MLANA: variants seen among roughly 807,000 people sequenced by gnomAD.
MLANA encodes the protein melan-A.
In MLANA, 21 loss-of-function variants were observed where a neutral mutation model predicts 15.7. That is an observed-to-expected ratio of 1.33 (90% CI 0.95 to 1.92). MLANA has a LOEUF of 1.92. MLANA is among the 40% of genes most tolerant of loss of function. The probability of loss-of-function intolerance (pLI) is 0.00; values close to 1 mark genes in which losing one functional copy is unlikely to be tolerated. For synonymous variants in MLANA, 56 were observed against 51.5 expected, an observed-to-expected ratio of 1.09 and a Z score of -0.37; for missense variants, 164 against 143.8, an observed-to-expected ratio of 1.14 and a Z score of -0.72.
intron 4 of MLANA, among the ~76,000 whole-genome samples, chr9:5,907,652 A>C (rs2130001881): frequency 6.6e-6 from 1 of 152,326 alleles, no homozygotes; most frequent in South Asian, 2.1e-4. Context: ...TAGCTACTAG[A>C]AATTTTAAAA....
intron 3 of MLANA, among the ~76,000 whole-genome samples, chr9:5,900,405 A>AT (rs1832337862): frequency 6.6e-6 from 1 of 152,084 alleles, no homozygotes; most frequent in African/African-American, 2.4e-5. Flanking sequence ...TTATTTTGAG[A>AT]TTTTCATATA....
At position 5,906,911 on chromosome 9, in the gene MLANA, A is replaced by G; in HGVS notation, c.201A>G (p.Gln67=). ...LMDKSLHVGT[Q]CALTRRCPQE... is the part of the protein sequence containing the mutation. ...ATAAAAGTCTTCATGTTGGCACTCAATGTGCCTTAACAAGAAGATGCCCAC... is the reference window on the plus strand; with the variant it reads ...ATAAAAGTCTTCATGTTGGCACTCAGTGTGCCTTAACAAGAAGATGCCCAC... Residue 67 remains glutamine, a synonymous_variant, in exon 4 of 5, where the codon CAA becomes CAG. Transcript: ENST00000381477. 2 of 1,591,506 alleles carry G rather than the reference A, an allele frequency of 1.3e-6. No individual in the cohort carries two copies. The highest frequency in any genetic ancestry group is 1.4e-5 in the African/African-American group (1 of 73,242).
chr9:5,907,819 G>A (rs1038507876), intron 4 of MLANA, among the ~76,000 whole-genome samples: 12 of 152,270 alleles, frequency 7.9e-5, no homozygotes, highest in African/African-American at 2.9e-4. Flanking sequence ...CAAGCGTGGT[G>A]GTGCATGCCT....
chr9:5,897,683 TCC>T (rs1832124271), intron 3 of MLANA, 30 bp downstream of exon 3: 5 of 1,573,594 alleles, frequency 3.2e-6, no homozygotes, highest in Non-Finnish European at 4.4e-6. Flanking sequence ...CTGAAATCCC[TCC>T]AAGTCCAGGG....
At position 5,906,970 on chromosome 9, in the gene MLANA, CTCT is replaced by C. The variant is rs748669006; in HGVS notation, c.263_265del (p.Leu88del). 14 of 1,599,982 alleles carry C rather than the reference CTCT, an allele frequency of 8.8e-6. No individual in the cohort carries two copies. The highest frequency in any genetic ancestry group is 1.8e-5 in the Admixed American group (1 of 57,080). On this transcript the variant is annotated inframe_deletion, in exon 4 of 5. Coordinates refer to ENST00000381477, the MANE Select transcript of MLANA (RefSeq NM_005511.2). ...TTTGATCATCGGGACAGCAAAGTGT[CTCT>C]TCAAGAGAAAAACTGTGAACCTGTG...
At chr9:5,893,617 C>A (rs1831803429) in intron 2 of MLANA, among the ~76,000 whole-genome samples, 1 of 152,114 alleles carries the variant, frequency 6.6e-6, no homozygotes, top group Non-Finnish European at 1.5e-5. Flanking sequence ...GGGAGGGGAG[C>A]CCATTGCCCG....
Position 5,892,757 on chromosome 9 carries a change from G to A in MLANA, c.77+206G>A, listed in dbSNP as rs546947175. Among the ~76,000 whole-genome samples, 61 of 152,310 alleles carry A rather than the reference G, an allele frequency of 4.0e-4. 1 individual carries two copies. The South Asian group carries it at 0.012, about 31-fold the overall frequency. On this transcript the variant is annotated intron_variant, in intron 2 of 4. Coordinates refer to ENST00000381477, the MANE Select transcript of MLANA (RefSeq NM_005511.2). ...TCTGAGGCCAAACAGGCAGGAAGATGGGAATGGTATAAGGTTGGATCTTGC... is the reference window on the plus strand; with the variant it reads ...TCTGAGGCCAAACAGGCAGGAAGATAGGAATGGTATAAGGTTGGATCTTGC...
chr9:5,906,646 T>C (rs1448581528), intron 3 of MLANA, among the ~76,000 whole-genome samples: 2 of 152,266 alleles, frequency 1.3e-5, no homozygotes, highest in East Asian at 1.9e-4. Flanking sequence ...TCCCAGGTAC[T>C]GCACTAGAGC....
chr9:5,892,622 A>G (rs1416740590), intron 2 of MLANA, 71 bp downstream of exon 2: 2 of 1,234,924 alleles, frequency 1.6e-6, no homozygotes, highest in South Asian at 1.4e-5. Flanking sequence ...GACTTCCACC[A>G]GTACATGCCT....
At chr9:5,907,917 C>T (rs1296421866) in intron 4 of MLANA, among the ~76,000 whole-genome samples, 1 of 152,212 alleles carries the variant, frequency 6.6e-6, no homozygotes, top group African/African-American at 2.4e-5. Context: ...AGTGCCACTG[C>T]ACTCCAGCCT....
rs907439375 is a variant in MLANA at position 5,909,696 on chromosome 9, A to G, written c.*988A>G. On this transcript the variant is annotated 3_prime_UTR_variant, in exon 5 of 5. Transcript: ENST00000381477. ...AGGATTTAAATAAGTAAAAGCTACTATGTACTGCCTTAGTGCTGATGCCTG... is the reference window on the plus strand; with the variant it reads ...AGGATTTAAATAAGTAAAAGCTACTGTGTACTGCCTTAGTGCTGATGCCTG... 5 of 152,262 alleles carry G rather than the reference A, an allele frequency of 3.3e-5. No homozygotes were observed. The highest frequency in any genetic ancestry group is 1.2e-4 in the African/African-American group (5 of 41,472). The allele number at this position is 152,262 out of a possible 1,614,324, so 9.4% of individuals were successfully genotyped here.
chr9:5,902,668 C>CTT (rs199637584), intron 3 of MLANA, among the ~76,000 whole-genome samples: 6 of 141,102 alleles, frequency 4.3e-5, no homozygotes, highest in South Asian at 4.5e-4. Context: ...GATTAATTTT[C>CTT]TTTTTTTTTT....
intron 4 of MLANA, among the ~76,000 whole-genome samples, chr9:5,907,496 T>C (rs756910199): frequency 6.6e-6 from 1 of 152,238 alleles, no homozygotes; most frequent in Non-Finnish European, 1.5e-5. Flanking sequence ...ATACATATCA[T>C]ATTTCAAAAA....
chr9:5,901,394 C>G (rs1832415207), intron 3 of MLANA, among the ~76,000 whole-genome samples: 1 of 152,126 alleles, frequency 6.6e-6, no homozygotes, highest in Non-Finnish European at 1.5e-5. Context: ...CCCTTTATCC[C>G]TCGTTTATTG....
At chr9:5,898,508 G>A (rs1312660413) in intron 3 of MLANA, among the ~76,000 whole-genome samples, 1 of 152,096 alleles carries the variant, frequency 6.6e-6, no homozygotes, top group Non-Finnish European at 1.5e-5. Flanking sequence ...TCCAATACAC[G>A]AATTTTGGGG....
chr9:5,892,440 C>T lies in MLANA; in HGVS notation c.-25-10C>T. 2 of 1,595,188 alleles carry T rather than the reference C, an allele frequency of 1.3e-6. No individual in the cohort carries two copies. Among genetic ancestry groups the T allele is most frequent in the Non-Finnish European group, 1.7e-6 (2 of 1,170,878 alleles). ...ATGCATTAATGATGCCCACATGCTC[C>T]TTCTGTTAGGTGTCCTGTGCCCTGA... On this transcript the variant is annotated splice_polypyrimidine_tract_variant and intron_variant, in intron 1 of 4. Coordinates refer to ENST00000381477, the MANE Select transcript of MLANA (RefSeq NM_005511.2).
Position 5,901,527 on chromosome 9 carries a change from CT to C in MLANA, c.174+3883del, listed in dbSNP as rs374951432. ...ATCAGAATAATTCATTTCTCTTTTT[CT>C]TTTTTTTTGAGATGGGGTCTCATTC... is the stretch of plus-strand genomic sequence containing the variant. On this transcript the variant is annotated intron_variant, in intron 3 of 4. Transcript: ENST00000381477. Among the ~76,000 whole-genome samples the C allele has an allele frequency of 8.5e-3, 1,282 of 151,110 alleles. 22 individuals are homozygous for C. Among genetic ancestry groups the C allele is most frequent in the African/African-American group, 0.03 (1,235 of 41,224 alleles).
Position 5,897,613 on chromosome 9 carries a change from G to C in MLANA, c.134G>C (p.Cys45Ser). Reference protein sequence around the residue: ...VILGVLLLIGCWYCRRRNGYR... With the variant: ...VILGVLLLIGSWYCRRRNGYR... ...CTGGGAGTCTTACTGCTCATCGGCT[G>C]TTGGTATTGTAGAAGACGAAATGGA... Residue 45 changes from cysteine to serine, a missense_variant, in exon 3 of 5, where the codon TGT becomes TCT. By Grantham distance (112) the Cys-to-Ser change is moderately radical. Coordinates refer to ENST00000381477, the MANE Select transcript of MLANA (RefSeq NM_005511.2). 6.2e-7 allele frequency: 1 copy of C among 1,614,140 alleles called. No individual in the cohort carries two copies. Among genetic ancestry groups the C allele is most frequent in the East Asian group, 2.2e-5 (1 of 44,888 alleles).
chr9:5,901,243 A>G (rs1170426068), intron 3 of MLANA, among the ~76,000 whole-genome samples: 1 of 152,108 alleles, frequency 6.6e-6, no homozygotes, highest in Non-Finnish European at 1.5e-5. Flanking sequence ...AGTTATTTGC[A>G]ACTTCCAGTA....
Sources: allele counts gnomAD v4.1 joint callset (sites outside exome capture counted in the v4.1 genomes callset), GRCh38; gene constraint gnomAD v4.1.1; transcripts MANE v1.5; gene names NCBI Gene and HGNC (gene_info 2026-07-23, HGNC 2026-07-21).